NKAIN3: variants seen among roughly 807,000 people sequenced by gnomAD.
The protein encoded by NKAIN3 is sodium/potassium-transporting ATPase subunit beta-1-interacting protein 3.
Under a neutral mutation model 30.2 loss-of-function variants are expected in NKAIN3, and 25 were observed. The ratio of observed to expected loss-of-function variants is 0.83; its 90% CI spans 0.60 to 1.16. The LOEUF is 1.16. NKAIN3 is among the 50% of genes most tolerant of loss of function. NKAIN3 has a pLI of 0.00. For missense variants in NKAIN3, 225 were observed against 254.1 expected, an observed-to-expected ratio of 0.89 and a Z score of 0.78; for synonymous variants, 91 against 89.6, an observed-to-expected ratio of 1.02 and a Z score of -0.09.
chr8:62,687,019 T>A (rs918645807), intron 3 of NKAIN3, among the ~76,000 whole-genome samples: 2 of 152,162 alleles, frequency 1.3e-5, no homozygotes, highest in African/African-American at 4.8e-5. Flanking sequence ...TATAATTACA[T>A]AAGGCAACAT....
At chr8:62,956,299 C>A (rs1823417441) in intron 6 of NKAIN3, among the ~76,000 whole-genome samples, 1 of 152,162 alleles carries the variant, frequency 6.6e-6, no homozygotes, top group Non-Finnish European at 1.5e-5. Context: ...TTCATTAAGC[C>A]TCTTTTATCA....
At chr8:62,368,067 T>C (rs1331229658) in intron 1 of NKAIN3, among the ~76,000 whole-genome samples, 2 of 152,088 alleles carry the variant, frequency 1.3e-5, no homozygotes, top group Non-Finnish European at 2.9e-5. Context: ...TGAAAGAACT[T>C]GATGACACAA....
At chr8:62,514,481 T>C (rs1807920040) in intron 1 of NKAIN3, among the ~76,000 whole-genome samples, 2 of 152,312 alleles carry the variant, frequency 1.3e-5, no homozygotes, top group African/African-American at 4.8e-5. Flanking sequence ...AAAATATTGT[T>C]ATATTTCCTC....
At chr8:62,679,902 T>C (rs1029030036) in intron 3 of NKAIN3, among the ~76,000 whole-genome samples, 2 of 152,096 alleles carry the variant, frequency 1.3e-5, no homozygotes, top group African/African-American at 4.8e-5. Flanking sequence ...AAAAATAACT[T>C]CGCAGGTATA....
chr8:62,302,804 G>C (rs1814095725), intron 1 of NKAIN3, among the ~76,000 whole-genome samples: 1 of 142,034 alleles, frequency 7.0e-6, no homozygotes, highest in African/African-American at 3.1e-5. Context: ...GGCTTGATCT[G>C]ATCATAACAA....
intron 3 of NKAIN3, among the ~76,000 whole-genome samples, chr8:62,692,556 A>T (rs1707388808): frequency 6.6e-6 from 1 of 151,866 alleles, no homozygotes; most frequent in African/African-American, 2.4e-5. Flanking sequence ...AGCAACCAAG[A>T]ATTATAGCAG....
chr8:62,756,784 A>G (rs1816464996), intron 4 of NKAIN3, among the ~76,000 whole-genome samples: 1 of 152,160 alleles, frequency 6.6e-6, no homozygotes, highest in African/African-American at 2.4e-5. Context: ...TCTCCATAAC[A>G]GTATGCATAT....
At chr8:62,396,819 G>T (rs142218499) in intron 1 of NKAIN3, among the ~76,000 whole-genome samples, 56 of 152,230 alleles carry the variant, frequency 3.7e-4, no homozygotes, top group African/African-American at 1.2e-3. Flanking sequence ...TCTTATTGCG[G>T]CTTTGTTTCC....
chr8:62,792,746 T>C (rs1331768917), intron 4 of NKAIN3, among the ~76,000 whole-genome samples: 3 of 152,058 alleles, frequency 2.0e-5, no homozygotes, highest in African/African-American at 4.8e-5. Context: ...TCTTGAAAGA[T>C]GAATAGAAAT....
chr8:62,282,581 T>C (rs1181433384), intron 1 of NKAIN3, among the ~76,000 whole-genome samples: 4 of 152,218 alleles, frequency 2.6e-5, no homozygotes, highest in South Asian at 2.1e-4. Context: ...ACAGTTCTAA[T>C]GTGCTGTTTG....
chr8:62,785,386 G>A (rs898015409), intron 4 of NKAIN3, among the ~76,000 whole-genome samples: 5 of 152,262 alleles, frequency 3.3e-5, no homozygotes, highest in Admixed American at 6.5e-5. Context: ...TATAGAGACA[G>A]AAAGTAGATC....
At position 62,947,585 on chromosome 8, in the gene NKAIN3, C is replaced by T. The variant is rs534154051; in HGVS notation, c.533-6317C>T. ...AGTTGCTGTTCTTGCCTCTTAAGCCCAGGCTGGATGGGCAGCTGTCCTGAC... is the reference window on the plus strand; with the variant it reads ...AGTTGCTGTTCTTGCCTCTTAAGCCTAGGCTGGATGGGCAGCTGTCCTGAC... On this transcript the variant is annotated intron_variant, in intron 5 of 6. Coordinates refer to ENST00000623646, the MANE Select transcript of NKAIN3 (RefSeq NM_001304533.3). 5.3e-5 allele frequency among the ~76,000 whole-genome samples: 8 copies of T among 152,334 alleles called. No individual in the cohort carries two copies. The South Asian group carries it at 1.2e-3, about 24-fold the overall frequency.
intron 4 of NKAIN3, among the ~76,000 whole-genome samples, chr8:62,903,812 G>T (rs757012727): frequency 1.3e-5 from 2 of 152,100 alleles, no homozygotes; most frequent in Non-Finnish European, 2.9e-5. Flanking sequence ...CTTTTCACAG[G>T]GTGGCGGGAG....
intron 3 of NKAIN3, among the ~76,000 whole-genome samples, chr8:62,670,925 A>G (rs919595876): frequency 1.3e-5 from 2 of 149,812 alleles, no homozygotes; most frequent in Non-Finnish European, 3.0e-5. Flanking sequence ...ACACACGTAT[A>G]CACAGGCAAA....
chr8:62,802,488 C>T (rs550623884), intron 4 of NKAIN3, among the ~76,000 whole-genome samples: 26 of 152,186 alleles, frequency 1.7e-4, no homozygotes, highest in Admixed American at 7.2e-4. Context: ...GAATTTTCAA[C>T]CCAGAATTTC....
chr8:62,397,824 G>A (rs529923891), intron 1 of NKAIN3, among the ~76,000 whole-genome samples: 4 of 152,266 alleles, frequency 2.6e-5, no homozygotes, highest in African/African-American at 9.6e-5. Context: ...CAAGCAGGAG[G>A]AGAGCAAAGG....
At chr8:62,484,299 G>C (rs1261120678) in intron 1 of NKAIN3, among the ~76,000 whole-genome samples, 1 of 152,112 alleles carries the variant, frequency 6.6e-6, no homozygotes, top group Admixed American at 6.5e-5. Context: ...TCGCCCCCAG[G>C]CATCTTCCTA....
intron 4 of NKAIN3, among the ~76,000 whole-genome samples, chr8:62,848,991 C>T (rs1226987634): frequency 6.6e-6 from 1 of 152,112 alleles, no homozygotes; most frequent in Non-Finnish European, 1.5e-5. Flanking sequence ...GTTGAACCAG[C>T]TTGCATCTCA....
At chr8:62,621,827 A>C (rs142964379) in intron 3 of NKAIN3, among the ~76,000 whole-genome samples, 3 of 152,052 alleles carry the variant, frequency 2.0e-5, no homozygotes, top group Admixed American at 6.6e-5. Flanking sequence ...AAAGTTTTAC[A>C]GATTTATGTT....
Sources: allele counts gnomAD v4.1 joint callset (sites outside exome capture counted in the v4.1 genomes callset), GRCh38; gene constraint gnomAD v4.1.1; transcripts MANE v1.5; gene names NCBI Gene and HGNC (gene_info 2026-07-23, HGNC 2026-07-21).